The following CNTNAP5 variants were observed in gnomAD, a reference collection of about 807,000 sequenced individuals.
CNTNAP5 encodes the protein contactin associated protein family member 5.
In CNTNAP5, 72 loss-of-function variants were observed where a neutral mutation model predicts 150.2. That is an observed-to-expected ratio of 0.48 (90% confidence interval 0.40 to 0.58). The LOEUF (loss-of-function observed/expected upper bound fraction) is 0.58. CNTNAP5 is among the 20% of genes least tolerant of loss of function. CNTNAP5 has a pLI of 0.00. For synonymous variants in CNTNAP5, 672 were observed against 619.8 expected, an observed-to-expected ratio of 1.08 and a Z score of -1.25; for missense variants, 1,636 against 1,626.2, an observed-to-expected ratio of 1.01 and a Z score of -0.10.
In CNTNAP5 at chr2:124,450,416, C is replaced by G. The variant is rs533592827; in HGVS notation, c.918+3479C>G. 4.0e-5 allele frequency among the ~76,000 whole-genome samples: 6 copies of G among 151,636 alleles called. No individual in the cohort carries two copies. The South Asian group carries it at 1.3e-3, about 32-fold the overall frequency. On this transcript the variant is annotated intron_variant, in intron 6 of 23. Transcript: ENST00000682447. ...GCTTTCATTCTTCATCTTAGACTAC[C>G]TTAGGGGATATCAATCAAGTGACAC...
chr2:124,423,759 G>C (rs1362577405), intron 4 of CNTNAP5, among the ~76,000 whole-genome samples: 1 of 122,364 alleles, frequency 8.2e-6, no homozygotes, highest in African/African-American at 3.0e-5. Context: ...CCGCCTCCCA[G>C]GTTCACGCCA....
chr2:124,216,047 C>G (rs1686147980), intron 1 of CNTNAP5, among the ~76,000 whole-genome samples: 2 of 152,110 alleles, frequency 1.3e-5, no homozygotes, highest in African/African-American at 4.8e-5. Flanking sequence ...AAGTGAAAGG[C>G]TTGGAACCTG....
chr2:124,346,072 T>C (rs918750526), intron 3 of CNTNAP5, among the ~76,000 whole-genome samples: 1 of 152,180 alleles, frequency 6.6e-6, no homozygotes, highest in Non-Finnish European at 1.5e-5. Context: ...TGTTGAAGTT[T>C]GTGAATGGTT....
At chr2:124,706,753 A>AAGAAGAAGAAGG (rs1679648534) in intron 13 of CNTNAP5, among the ~76,000 whole-genome samples, 1 of 22,046 alleles carries the variant, frequency 4.5e-5, no homozygotes, top group African/African-American at 2.2e-4. Flanking sequence ...TTTCAAGAAG[A>AAGAAGAAGAAGG]AGAAGAAGAA....
chr2:124,575,632 C>G (rs1011246641), intron 11 of CNTNAP5, among the ~76,000 whole-genome samples: 1 of 152,196 alleles, frequency 6.6e-6, no homozygotes. Flanking sequence ...ACTCTATGCT[C>G]TGCTCTAGTA....
At chr2:124,669,757 T>C (rs556114780) in intron 13 of CNTNAP5, among the ~76,000 whole-genome samples, 84 of 152,338 alleles carry the variant, frequency 5.5e-4, no homozygotes, top group African/African-American at 1.9e-3. Context: ...CTATGAGTTA[T>C]CCTTGGTTCC....
chr2:124,910,882 A>T (rs1335815645), intron 22 of CNTNAP5, among the ~76,000 whole-genome samples: 1 of 151,978 alleles, frequency 6.6e-6, no homozygotes, highest in South Asian at 2.1e-4. Context: ...TTATATTTAA[A>T]AAGAGGTCTT....
chr2:124,445,268 C>G (rs1208874826), intron 5 of CNTNAP5, among the ~76,000 whole-genome samples: 1 of 149,348 alleles, frequency 6.7e-6, no homozygotes, highest in Non-Finnish European at 1.5e-5. Flanking sequence ...TTTTTTTTTT[C>G]TGTATTTTTA....
intron 1 of CNTNAP5, among the ~76,000 whole-genome samples, chr2:124,150,777 A>G (rs1228039302): frequency 6.6e-6 from 1 of 152,122 alleles, no homozygotes; most frequent in East Asian, 1.9e-4. Flanking sequence ...TCACCTCCTA[A>G]AGGTCCCATC....
At chr2:124,239,813 T>TTATAAAAC (rs535994579) in intron 2 of CNTNAP5, among the ~76,000 whole-genome samples, 48 of 152,224 alleles carry the variant, frequency 3.2e-4, no homozygotes, top group Admixed American at 1.2e-3. Flanking sequence ...AACCTCCCTC[T>TTATAAAAC]CTATAAGCCT....
At chr2:124,749,805 C>G (rs1308457378) in intron 14 of CNTNAP5, among the ~76,000 whole-genome samples, 1 of 152,130 alleles carries the variant, frequency 6.6e-6, no homozygotes, top group Non-Finnish European at 1.5e-5. Context: ...GCCTACTGAA[C>G]ACTACCTCAG....
chr2:124,061,876 A>G (rs573321897), intron 1 of CNTNAP5, among the ~76,000 whole-genome samples: 1 of 152,268 alleles, frequency 6.6e-6, no homozygotes, highest in South Asian at 2.1e-4. Flanking sequence ...AGGGAATGCA[A>G]TAATTCAAAG....
intron 12 of CNTNAP5, among the ~76,000 whole-genome samples, chr2:124,628,382 C>G (rs1677775519): frequency 6.6e-6 from 1 of 152,114 alleles, no homozygotes; most frequent in East Asian, 1.9e-4. Context: ...AGAAACTGTA[C>G]AAACCAGAAG....
intron 3 of CNTNAP5, among the ~76,000 whole-genome samples, chr2:124,264,215 T>C (rs955769356): frequency 1.3e-5 from 2 of 152,136 alleles, no homozygotes; most frequent in Non-Finnish European, 2.9e-5. Flanking sequence ...ATTCACAAAG[T>C]GAGTTCATTT....
At chr2:124,531,371 C>T (rs1002674630) in intron 10 of CNTNAP5, among the ~76,000 whole-genome samples, 13 of 152,286 alleles carry the variant, frequency 8.5e-5, no homozygotes, top group African/African-American at 3.1e-4. Flanking sequence ...TAAGAAGCCA[C>T]GGACCAGCAC....
intron 18 of CNTNAP5, among the ~76,000 whole-genome samples, chr2:124,797,302 A>C (rs528753440): frequency 2.8e-4 from 43 of 152,308 alleles, no homozygotes; most frequent in Middle Eastern, 6.8e-3. Flanking sequence ...GCATTCTTCA[A>C]GGAGGCTGGG....
intron 1 of CNTNAP5, among the ~76,000 whole-genome samples, chr2:124,083,987 C>CTG (rs1682620237): frequency 6.6e-6 from 1 of 151,976 alleles, no homozygotes; most frequent in African/African-American, 2.4e-5. Flanking sequence ...CAACTGACAT[C>CTG]TGTACTATAT....
intron 11 of CNTNAP5, among the ~76,000 whole-genome samples, chr2:124,604,972 A>AT (rs1356274892): frequency 6.6e-6 from 1 of 152,106 alleles, no homozygotes; most frequent in South Asian, 2.1e-4. Context: ...GCTTCTTGGG[A>AT]TTTTTTTCTG....
At chr2:124,401,441 TATC>T (rs1396481760) in intron 3 of CNTNAP5, among the ~76,000 whole-genome samples, 3 of 152,340 alleles carry the variant, frequency 2.0e-5, no homozygotes, top group East Asian at 1.9e-4. Context: ...CTCAGACACT[TATC>T]ATTATCATAG....
Sources: gnomAD v4.1 joint callset for allele counts (sites outside exome capture counted in the v4.1 genomes callset) on GRCh38, gnomAD v4.1.1 for gene constraint, MANE v1.5 for transcripts, NCBI Gene and HGNC (gene_info 2026-07-23, HGNC 2026-07-21) for gene names.